Variants in SOX6 observed in about 807,000 individuals in gnomAD.
SOX6 encodes the protein SRY-box transcription factor 6, also known as transcription factor SOX-6.
A neutral mutation model predicts 97.8 loss-of-function variants in SOX6; 11 were observed. That is an observed-to-expected ratio of 0.11 (90% CI 0.07 to 0.19). SOX6 has a LOEUF of 0.19. SOX6 is among the 10% of genes least tolerant of loss of function. The pLI is 1.00. For synonymous variants in SOX6, 360 were observed against 371.4 expected, an observed-to-expected ratio of 0.97 and a Z score of 0.35; for missense variants, 810 against 1,039.5, an observed-to-expected ratio of 0.78 and a Z score of 3.04.
intron 6 of SOX6, among the ~76,000 whole-genome samples, chr11:16,113,351 G>A (rs565369198): frequency 1.8e-3 from 269 of 152,352 alleles, no homozygotes; most frequent in Middle Eastern, 6.8e-3. Flanking sequence ...AGTGGGGCAT[G>A]AAAGAAACTA....
intron 1 of SOX6, among the ~76,000 whole-genome samples, chr11:16,458,188 A>G (rs927542473): frequency 2.6e-5 from 4 of 151,914 alleles, no homozygotes; most frequent in Admixed American, 2.6e-4. Flanking sequence ...ATTCCTGAAG[A>G]TTTCATAAAA....
intron 2 of SOX6, among the ~76,000 whole-genome samples, chr11:16,716,897 G>A (rs1250776788): frequency 1.3e-5 from 2 of 152,014 alleles, no homozygotes; most frequent in African/African-American, 4.8e-5. Context: ...ACCTTTGAGG[G>A]GGTCATAGTA....
intron 4 of SOX6, among the ~76,000 whole-genome samples, chr11:16,534,869 A>G (rs1161949332): frequency 1.3e-5 from 2 of 152,170 alleles, no homozygotes; most frequent in Non-Finnish European, 2.9e-5. Flanking sequence ...CTTTTTCTAC[A>G]AAGTTCCTAT....
At chr11:16,687,228 G>C (rs1241123754) in intron 3 of SOX6, among the ~76,000 whole-genome samples, 2 of 152,222 alleles carry the variant, frequency 1.3e-5, no homozygotes, top group Admixed American at 1.3e-4. Context: ...GCTAGCATCT[G>C]CTCAGCTTCT....
intron 14 of SOX6, among the ~76,000 whole-genome samples, chr11:15,987,828 C>T (rs941399872): frequency 2.6e-5 from 4 of 150,966 alleles, no homozygotes; most frequent in Non-Finnish European, 5.9e-5. Context: ...AAAAACCACA[C>T]TTAATTGTAA....
intron 3 of SOX6, among the ~76,000 whole-genome samples, chr11:16,701,377 A>G (rs1848091898): frequency 6.6e-6 from 1 of 152,202 alleles, no homozygotes; most frequent in African/African-American, 2.4e-5. Flanking sequence ...AAATTATGTT[A>G]AGGAACTGGT....
At chr11:16,225,703 G>A (rs1189417509) in intron 4 of SOX6, among the ~76,000 whole-genome samples, 1 of 152,026 alleles carries the variant, frequency 6.6e-6, no homozygotes, top group Non-Finnish European at 1.5e-5. Context: ...GTTACTTCAA[G>A]AATAACCTAC....
chr11:16,197,477 C>T (rs1402467482), intron 4 of SOX6, among the ~76,000 whole-genome samples: 2 of 152,116 alleles, frequency 1.3e-5, no homozygotes, highest in Non-Finnish European at 2.9e-5. Flanking sequence ...AACACAGATC[C>T]CACCTATCAC....
At chr11:16,475,181 C>T (rs1028827767) in intron 1 of SOX6, among the ~76,000 whole-genome samples, 9 of 152,182 alleles carry the variant, frequency 5.9e-5, no homozygotes, top group African/African-American at 2.2e-4. Flanking sequence ...ATCCAGACTG[C>T]TCAAACTTTC....
chr11:16,279,554 T>A (rs1366520468), intron 3 of SOX6, among the ~76,000 whole-genome samples: 1 of 152,098 alleles, frequency 6.6e-6, no homozygotes, highest in Non-Finnish European at 1.5e-5. Context: ...CAATGTTGCT[T>A]ATTAAATATT....
chr11:16,662,869 A>T (rs1029497153), intron 3 of SOX6, among the ~76,000 whole-genome samples: 1 of 151,882 alleles, frequency 6.6e-6, no homozygotes, highest in African/African-American at 2.4e-5. Context: ...TTTTTGGGGG[A>T]GGCGGGGGAG....
At chr11:16,494,565 T>C (rs1280819989) in intron 4 of SOX6, among the ~76,000 whole-genome samples, 2 of 148,936 alleles carry the variant, frequency 1.3e-5, no homozygotes, top group African/African-American at 5.0e-5. Context: ...TAGAGGCATC[T>C]GGTAGGCCTC....
intron 10 of SOX6, among the ~76,000 whole-genome samples, chr11:16,054,241 A>G (rs1284593473): frequency 6.6e-6 from 1 of 152,134 alleles, no homozygotes; most frequent in Non-Finnish European, 1.5e-5. Context: ...AATATTTAAT[A>G]CTCAATAGCT....
At chr11:16,250,031 A>T (rs1853460643) in intron 3 of SOX6, among the ~76,000 whole-genome samples, 1 of 152,208 alleles carries the variant, frequency 6.6e-6, no homozygotes, top group African/African-American at 2.4e-5. Context: ...TTTCATTTAG[A>T]GGCAGAGGGG....
chr11:16,529,792 T>C (rs1861214274), intron 4 of SOX6, among the ~76,000 whole-genome samples: 1 of 152,052 alleles, frequency 6.6e-6, no homozygotes, highest in African/African-American at 2.4e-5. Flanking sequence ...ACTCAGACCC[T>C]TTAACATTGA....
intron 1 of SOX6, among the ~76,000 whole-genome samples, chr11:16,385,399 T>TA (rs1857953317): frequency 6.6e-6 from 1 of 152,068 alleles, no homozygotes; most frequent in African/African-American, 2.4e-5. Flanking sequence ...TATTTTATAA[T>TA]AAAAAGAGGG....
At chr11:16,438,703 GA>G (rs11329357) in intron 1 of SOX6, among the ~76,000 whole-genome samples, 52,752 of 144,326 alleles carry the variant, frequency 0.37, 9,775 homozygotes, top group East Asian at 0.54. Flanking sequence ...CAATATCAGT[GA>G]AAAAAAAAAA....
rs1350484918 is a variant in SOX6, at chr11:15,971,707, T to C, written c.*1102A>G. Reference sequence around the variant, plus strand: ...GTTTCAGAAATGCTTCCAGGCGTTCTGGGGACATAAAATCACTATGTACAC... The same window carrying C: ...GTTTCAGAAATGCTTCCAGGCGTTCCGGGGACATAAAATCACTATGTACAC... On this transcript the variant is annotated 3_prime_UTR_variant, in exon 16 of 16. Coordinates refer to ENST00000683767, the MANE Select transcript of SOX6 (RefSeq NM_001367873.1). 1 of 152,582 alleles carries C rather than the reference T, an allele frequency of 6.6e-6. No homozygotes were observed. The highest frequency in any genetic ancestry group is 1.5e-5 in the Non-Finnish European group (1 of 68,036). The allele number at this position is 152,582 out of a possible 1,614,324, so 9.5% of individuals were successfully genotyped here.
In SOX6 at chr11:16,425,647, A is replaced by C. The variant is rs544759984; in HGVS notation, c.-5+50668T>G. 2.6e-5 allele frequency among the ~76,000 whole-genome samples: 4 copies of C among 152,314 alleles called. No homozygotes were observed. The East Asian group carries it at 7.7e-4, about 29-fold the overall frequency. ...TTAGGATACAAAATCCATGTGCAAA[A>C]AACACTAGCATTCTTATACACCAAC... On this transcript the variant is annotated intron_variant, in intron 1 of 15. Coordinates refer to the SOX6 transcript ENST00000396356.
Sources: gnomAD v4.1 joint callset for allele counts (sites outside exome capture counted in the v4.1 genomes callset) on GRCh38, gnomAD v4.1.1 for gene constraint, MANE v1.5 for transcripts, NCBI Gene and HGNC (gene_info 2026-07-23, HGNC 2026-07-21) for gene names.